Variants in CDH18 observed in about 807,000 individuals in gnomAD.
CDH18 encodes the protein cadherin-18.
A neutral mutation model predicts 67.9 loss-of-function variants in CDH18; 31 were observed. The ratio of observed to expected loss-of-function variants is 0.46; its 90% CI spans 0.34 to 0.62. The LOEUF (loss-of-function observed/expected upper bound fraction) is 0.62. CDH18 is among the 20% of genes least tolerant of loss of function. CDH18 has a pLI of 0.01. For synonymous variants in CDH18, 362 were observed against 347.2 expected (o/e 1.04, Z -0.48); for missense variants, 890 against 975.5 (o/e 0.91, Z 1.17).
intron 2 of CDH18, among the ~76,000 whole-genome samples, chr5:20,109,307 G>C (rs1358353002): frequency 6.6e-6 from 1 of 152,186 alleles, no homozygotes; most frequent in Non-Finnish European, 1.5e-5. Context: ...TCTGACGAGA[G>C]ACACAGTCTC....
chr5:19,834,146 C>T (rs1781354773), intron 3 of CDH18, among the ~76,000 whole-genome samples: 2 of 127,642 alleles, frequency 1.6e-5, no homozygotes, highest in East Asian at 4.3e-4. Flanking sequence ...TCTATCTGGT[C>T]CTGGGATTTT....
intron 5 of CDH18, among the ~76,000 whole-genome samples, chr5:19,715,498 A>T (rs1480670011): frequency 6.6e-6 from 1 of 152,120 alleles, no homozygotes; most frequent in South Asian, 2.1e-4. Context: ...CTGAGTCAAG[A>T]CTGTCAATTC....
intron 2 of CDH18, among the ~76,000 whole-genome samples, chr5:20,237,428 T>C (rs899039117): frequency 1.3e-5 from 2 of 151,856 alleles, no homozygotes; most frequent in East Asian, 3.9e-4. Flanking sequence ...TGTAGAAAAA[T>C]TGATTGAAAC....
intron 1 of CDH18, among the ~76,000 whole-genome samples, chr5:20,471,833 T>TAAAAAAAAAAAAA (rs70954659): frequency 1.4e-4 from 7 of 51,468 alleles, no homozygotes; most frequent in African/African-American, 1.9e-4. Context: ...AGATTCAGTC[T>TAAAAAAAAAAAAA]AAAAAAAAAA....
intron 2 of CDH18, among the ~76,000 whole-genome samples, chr5:19,922,379 T>C (rs1792587990): frequency 6.6e-6 from 1 of 152,166 alleles, no homozygotes; most frequent in Non-Finnish European, 1.5e-5. Context: ...GAAAACATGA[T>C]CAAAATGTTC....
chr5:20,296,636 A>T (rs1272163154), intron 1 of CDH18, among the ~76,000 whole-genome samples: 2 of 152,058 alleles, frequency 1.3e-5, no homozygotes, highest in Admixed American at 6.6e-5. Context: ...TTAAATGTAC[A>T]GTTATAATCT....
intron 5 of CDH18, among the ~76,000 whole-genome samples, chr5:19,687,552 G>A (rs1161242744): frequency 6.6e-6 from 1 of 152,146 alleles, no homozygotes; most frequent in East Asian, 1.9e-4. Flanking sequence ...CATAGCACAT[G>A]CTCCCCAGAG....
chr5:20,159,677 G>T (rs1050706681), intron 2 of CDH18, among the ~76,000 whole-genome samples: 1 of 152,074 alleles, frequency 6.6e-6, no homozygotes, highest in African/African-American at 2.4e-5. Context: ...AGGTAGCAAA[G>T]GAATTTATTT....
At chr5:19,486,446 A>G (rs1368518638) in intron 11 of CDH18, among the ~76,000 whole-genome samples, 1 of 152,082 alleles carries the variant, frequency 6.6e-6, no homozygotes, top group African/African-American at 2.4e-5. Context: ...GAAATTGCAA[A>G]ATTAGGCGAC....
At chr5:19,746,913 T>C in intron 4 of CDH18, 29 bp downstream of exon 4, 2 of 1,588,612 alleles carry the variant, frequency 1.3e-6, no homozygotes, top group Non-Finnish European at 1.7e-6. Context: ...ATATGTTAAT[T>C]GCATAATCAC....
At chr5:20,210,286 T>C (rs1215103243) in intron 2 of CDH18, among the ~76,000 whole-genome samples, 1 of 151,904 alleles carries the variant, frequency 6.6e-6, no homozygotes, top group Non-Finnish European at 1.5e-5. Context: ...TATATTCTTT[T>C]GACATAGAAC....
intron 1 of CDH18, among the ~76,000 whole-genome samples, chr5:19,984,345 T>C (rs1799355319): frequency 6.6e-6 from 1 of 152,128 alleles, no homozygotes; most frequent in African/African-American, 2.4e-5. Flanking sequence ...CTATGTTTTA[T>C]ATGTCTACAT....
At chr5:20,541,041 T>G (rs1757023093) in intron 1 of CDH18, among the ~76,000 whole-genome samples, 1 of 152,214 alleles carries the variant, frequency 6.6e-6, no homozygotes, top group African/African-American at 2.4e-5. Flanking sequence ...TACGTGCTAT[T>G]TGGTCATTGT....
intron 6 of CDH18, among the ~76,000 whole-genome samples, chr5:19,598,641 T>A (rs989071880): frequency 1.3e-5 from 2 of 152,164 alleles, no homozygotes; most frequent in Non-Finnish European, 2.9e-5. Context: ...ATTGTATTTT[T>A]AAAATATCAA....
intron 6 of CDH18, among the ~76,000 whole-genome samples, chr5:19,602,447 G>A (rs1747291699): frequency 1.3e-5 from 2 of 151,172 alleles, no homozygotes; most frequent in African/African-American, 2.4e-5. Context: ...ACTATTATAA[G>A]TTAACACTGC....
At chr5:20,117,393 C>T (rs139227993) in intron 2 of CDH18, among the ~76,000 whole-genome samples, 1 of 152,150 alleles carries the variant, frequency 6.6e-6, no homozygotes, top group Admixed American at 6.5e-5. Flanking sequence ...CAATCAAATG[C>T]TGAAGGTAGA....
At chr5:20,038,192 A>G (rs1740060970) in intron 2 of CDH18, among the ~76,000 whole-genome samples, 1 of 152,188 alleles carries the variant, frequency 6.6e-6, no homozygotes, top group Non-Finnish European at 1.5e-5. Flanking sequence ...AAGTTCTGAA[A>G]TTGAGGCAGT....
rs76107228 is a variant in CDH18 at position 20,496,606 on chromosome 5, G to C, written c.-580+78856C>G. Among the ~76,000 whole-genome samples, 68 of 152,226 alleles carry C rather than the reference G, an allele frequency of 4.5e-4. No homozygotes were observed. In the East Asian group the frequency reaches 0.011, roughly 24 times the overall value. ...GCCAATATACTAATGAGGAAACAAT[G>C]TGGGAATTATCGTTTCAGAGCAAAA... On this transcript the variant is annotated intron_variant, in intron 1 of 14. Coordinates refer to the CDH18 transcript ENST00000507958.
intron 3 of CDH18, among the ~76,000 whole-genome samples, chr5:19,814,278 G>A (rs909435512): frequency 2.0e-5 from 3 of 151,612 alleles, no homozygotes; most frequent in African/African-American, 7.3e-5. Flanking sequence ...GTTGCTTAAC[G>A]AATATTACTC....
Sources: allele counts gnomAD v4.1 joint callset (sites outside exome capture counted in the v4.1 genomes callset), GRCh38; gene constraint gnomAD v4.1.1; transcripts MANE v1.5; gene names NCBI Gene and HGNC (gene_info 2026-07-23, HGNC 2026-07-21).